The following ONECUT2 variants were observed in gnomAD, a reference collection of about 807,000 sequenced individuals.
ONECUT2 encodes one cut homeobox 2, also known as one cut domain family member 2.
Under a neutral mutation model 27.9 loss-of-function variants are expected in ONECUT2, and 10 were observed. The ratio of observed to expected loss-of-function variants is 0.36; its 90% confidence interval spans 0.22 to 0.61. The LOEUF (loss-of-function observed/expected upper bound fraction) is 0.61. Ranked by LOEUF, ONECUT2 falls within the 20% of genes least tolerant of loss-of-function variation. The pLI, the probability that ONECUT2 is intolerant of heterozygous loss-of-function variation, is 0.73. For synonymous variants in ONECUT2, 334 were observed against 315.1 expected, an observed-to-expected ratio of 1.06 and a Z score of -0.64; for missense variants, 686 against 721.0, an observed-to-expected ratio of 0.95 and a Z score of 0.56.
intron 1 of ONECUT2, among the ~76,000 whole-genome samples, chr18:57,444,895 T>C (rs1416868993): frequency 6.6e-6 from 1 of 151,502 alleles, no homozygotes; most frequent in Admixed American, 6.6e-5. Context: ...AGAGAGGGGG[T>C]CAGGAGGCAG....
intron 1 of ONECUT2, among the ~76,000 whole-genome samples, chr18:57,442,244 GTTT>G (rs796717767): frequency 8.9e-6 from 1 of 112,104 alleles, no homozygotes; most frequent in African/African-American, 2.8e-5. Flanking sequence ...ATTCTTCTGG[GTTT>G]TTTTTTTTTT....
At chr18:57,441,193 T>C (rs550897445) in intron 1 of ONECUT2, among the ~76,000 whole-genome samples, 61 of 152,334 alleles carry the variant, frequency 4.0e-4, no homozygotes, top group Admixed American at 2.0e-3. Context: ...CAAATGTGTA[T>C]ATGGAGGGAG....
rs186401718 is a variant in ONECUT2, at chr18:57,439,920, G to A, written c.1228+2976G>A. ...GGCCGGGGTTTAGGGGGCTCAGAAT[G>A]AAGAGGTCTGATTTGGCCAGCGCCG... On this transcript the variant is annotated intron_variant, in intron 1 of 1. Coordinates refer to ENST00000491143, the MANE Select transcript of ONECUT2 (RefSeq NM_004852.3). Among the ~76,000 whole-genome samples the A allele has an allele frequency of 2.8e-4, 42 of 152,374 alleles. No homozygotes were observed. In the East Asian group the frequency reaches 5.6e-3, roughly 20 times the overall value.
intron 1 of ONECUT2, among the ~76,000 whole-genome samples, chr18:57,475,654 G>A (rs1190771809): frequency 2.6e-5 from 4 of 152,106 alleles, no homozygotes; most frequent in Non-Finnish European, 5.9e-5. Flanking sequence ...GCCCAGGCAT[G>A]GATACTCACT....
chr18:57,448,026 G>A (rs1196498718), intron 1 of ONECUT2, among the ~76,000 whole-genome samples: 1 of 152,028 alleles, frequency 6.6e-6, no homozygotes, highest in Non-Finnish European at 1.5e-5. Context: ...AGTAGGCACT[G>A]ACCCCTGACT....
chr18:57,454,306 G>A (rs1046747981), intron 1 of ONECUT2, among the ~76,000 whole-genome samples: 1 of 152,102 alleles, frequency 6.6e-6, no homozygotes, highest in Non-Finnish European at 1.5e-5. Flanking sequence ...TTAATTTTTT[G>A]TAACTTCTCC....
Position 57,479,252 on chromosome 18 carries a change from G to C in ONECUT2, c.*2529G>C, listed in dbSNP as rs1331180706. 1 of 152,234 alleles carries C rather than the reference G, an allele frequency of 6.6e-6. No homozygotes were observed. Among genetic ancestry groups the C allele is most frequent in the Admixed American group, 6.6e-5 (1 of 15,234 alleles). The allele number at this position is 152,234 out of a possible 1,614,324, so 9.4% of individuals were successfully genotyped here. A position where few individuals can be genotyped will look rare whatever the true frequency, so the allele number is the denominator to read the frequency against. ...CTAACAGGGCTTCATTTGGGGGTGG[G>C]GGGAAACATGTAAAAATAATTGCCA... On this transcript the variant is annotated 3_prime_UTR_variant, in exon 2 of 2. Coordinates refer to ENST00000491143, the MANE Select transcript of ONECUT2 (RefSeq NM_004852.3).
In ONECUT2 at chr18:57,490,027, G is replaced by A. The variant is rs1297847729; in HGVS notation, c.*13304G>A. ...TCTAGGATGCCAAAGAGCATCATAGGAAAAGATAATTAGGGATTGACCAGC... is the reference window on the plus strand; with the variant it reads ...TCTAGGATGCCAAAGAGCATCATAGAAAAAGATAATTAGGGATTGACCAGC... On this transcript the variant is annotated 3_prime_UTR_variant, in exon 2 of 2. Coordinates refer to ENST00000491143, the MANE Select transcript of ONECUT2 (RefSeq NM_004852.3). 6.6e-6 allele frequency: 1 copy of A among 152,180 alleles called. No individual in the cohort carries two copies. The highest frequency in any genetic ancestry group is 2.4e-5 in the African/African-American group (1 of 41,436). The allele number at this position is 152,180 out of a possible 1,614,324, so 9.4% of individuals were successfully genotyped here. A position where few individuals can be genotyped will look rare whatever the true frequency, so the allele number is the denominator to read the frequency against.
intron 1 of ONECUT2, among the ~76,000 whole-genome samples, chr18:57,464,078 A>G (rs958636061): frequency 7.9e-5 from 12 of 151,840 alleles, no homozygotes; most frequent in African/African-American, 2.9e-4. Context: ...AGAAGTATGG[A>G]GTCACACTAC....
intron 1 of ONECUT2, among the ~76,000 whole-genome samples, chr18:57,452,020 C>T (rs2050233166): frequency 1.3e-5 from 2 of 152,226 alleles, no homozygotes; most frequent in South Asian, 4.1e-4. Context: ...TGTATTTTAG[C>T]TCATTTATTC....
chr18:57,464,458 TTTTTTG>T (rs1346178721), intron 1 of ONECUT2, among the ~76,000 whole-genome samples: 4 of 152,132 alleles, frequency 2.6e-5, no homozygotes, highest in African/African-American at 7.2e-5. Flanking sequence ...TGTTTTTTGT[TTTTTTG>T]TTTTTGTTTT....
At chr18:57,438,584 C>T (rs1207037342) in intron 1 of ONECUT2, among the ~76,000 whole-genome samples, 2 of 152,204 alleles carry the variant, frequency 1.3e-5, no homozygotes, top group African/African-American at 2.4e-5. Flanking sequence ...GGGGAGTTTC[C>T]GCTTTGACAG....
chr18:57,437,619 G>C (rs1415403607), intron 1 of ONECUT2, among the ~76,000 whole-genome samples: 1 of 152,224 alleles, frequency 6.6e-6, no homozygotes, highest in African/African-American at 2.4e-5. Flanking sequence ...CGGGCTTGAG[G>C]GGCTCGGGCC....
chr18:57,456,674 A>G (rs1317010320), intron 1 of ONECUT2, among the ~76,000 whole-genome samples: 1 of 152,234 alleles, frequency 6.6e-6, no homozygotes, highest in Non-Finnish European at 1.5e-5. Context: ...AAGAATGTGA[A>G]TATACTTAAC....
rs552996343 is a variant in ONECUT2 at position 57,478,988 on chromosome 18, G to A, written c.*2265G>A. 1.4e-4 allele frequency: 22 copies of A among 152,728 alleles called. No homozygotes were observed. Among genetic ancestry groups the A allele is most frequent in the Non-Finnish European group, 2.5e-4 (17 of 68,026 alleles). The allele number at this position is 152,728 out of a possible 1,614,324, so 9.5% of individuals were successfully genotyped here. ...TTTCCATGGACTCCAAGTTTAAGAT[G>A]TTGGGATATTGAACAGTTCTCTCTG... On this transcript the variant is annotated 3_prime_UTR_variant, in exon 2 of 2. Coordinates refer to ENST00000491143, the MANE Select transcript of ONECUT2 (RefSeq NM_004852.3).
chr18:57,435,669 G>GC lies in ONECUT2; in HGVS notation c.-46dup. 1.8e-5 allele frequency: 11 copies of GC among 605,684 alleles called. No homozygotes were observed. The highest frequency in any genetic ancestry group is 6.0e-5 in the South Asian group (1 of 16,636). The allele number at this position is 605,684 out of a possible 1,614,324, so 37.5% of individuals were successfully genotyped here. The stretch of plus-strand genomic sequence containing the variant: ...CCCGCCACGCGCGCCTTGCCCGCCC[G>GC]CCGGCCGCCCCCGCCGCCCCCGCCG... On this transcript the variant is annotated 5_prime_UTR_variant, in exon 1 of 2. Coordinates refer to ENST00000491143, the MANE Select transcript of ONECUT2 (RefSeq NM_004852.3).
intron 1 of ONECUT2, among the ~76,000 whole-genome samples, chr18:57,470,846 C>A (rs533812): frequency 6.6e-6 from 1 of 152,038 alleles, no homozygotes; most frequent in Non-Finnish European, 1.5e-5. Context: ...TGGGCCCTCC[C>A]CCATCTCTCT....
chr18:57,474,554 G>A (rs972488869), intron 1 of ONECUT2, among the ~76,000 whole-genome samples: 2 of 152,122 alleles, frequency 1.3e-5, no homozygotes, highest in African/African-American at 4.8e-5. Context: ...GTCCTCCCGT[G>A]GTAGAAGGGG....
Position 57,478,505 on chromosome 18 carries a change from G to C in ONECUT2, c.*1782G>C, listed in dbSNP as rs931607639. ...ATCACCACCAATAAGAAGGAAGCAC[G>C]CCAGAAAATAAACGAAAACAAAAAC... On this transcript the variant is annotated 3_prime_UTR_variant, in exon 2 of 2. Coordinates refer to ENST00000491143, the MANE Select transcript of ONECUT2 (RefSeq NM_004852.3). The C allele has an allele frequency of 6.6e-6, 1 of 152,578 alleles. No homozygotes were observed. Among genetic ancestry groups the C allele is most frequent in the Non-Finnish European group, 1.5e-5 (1 of 68,046 alleles). 9.5% of individuals were successfully genotyped at this position (152,578 alleles called of 1,614,324 possible).
Sources: gnomAD v4.1 joint callset for allele counts (sites outside exome capture counted in the v4.1 genomes callset) on GRCh38, gnomAD v4.1.1 for gene constraint, MANE v1.5 for transcripts, NCBI Gene and HGNC (gene_info 2026-07-23, HGNC 2026-07-21) for gene names.